Variants in PID1 observed in about 807,000 individuals in gnomAD.
The protein encoded by PID1 is phosphotyrosine interaction domain containing 1.
In PID1, 10 loss-of-function variants were observed where a neutral mutation model predicts 19.1. The observed-to-expected ratio is 0.52, with a 90% CI of 0.32 to 0.89. PID1 has a LOEUF of 0.89. Among genes scored for constraint, PID1 ranks in the 40% least tolerant of loss-of-function variants. The pLI, the probability that PID1 is intolerant of heterozygous loss-of-function variation, is 0.03. For synonymous variants in PID1, 130 were observed against 116.0 expected (o/e 1.12, Z -0.78); for missense variants, 248 against 285.3 (o/e 0.87, Z 0.94).
intron 2 of PID1, among the ~76,000 whole-genome samples, chr2:229,063,811 G>A (rs542239842): frequency 1.3e-5 from 2 of 152,086 alleles, no homozygotes; most frequent in African/African-American, 4.8e-5. Context: ...ATGATTTGAT[G>A]TTAGGTGCAT....
At chr2:229,174,723 G>GAA (rs11295094) in intron 1 of PID1, among the ~76,000 whole-genome samples, 1 of 130,006 alleles carries the variant, frequency 7.7e-6, no homozygotes, top group Non-Finnish European at 1.6e-5. Context: ...AATGCATGAA[G>GAA]AAAAAAAAAA....
At chr2:229,251,900 T>C (rs551870936) in intron 1 of PID1, among the ~76,000 whole-genome samples, 1 of 150,544 alleles carries the variant, frequency 6.6e-6, no homozygotes, top group South Asian at 2.1e-4. Context: ...AAATAAGTTT[T>C]GATGGCCATC....
At chr2:229,034,989 C>G (rs1485890366) in intron 2 of PID1, among the ~76,000 whole-genome samples, 1 of 152,044 alleles carries the variant, frequency 6.6e-6, no homozygotes. Context: ...TGTCTCCCAA[C>G]TCTAAGAAAA....
chr2:229,262,620 G>C lies in PID1; in HGVS notation c.30+8394C>G, dbSNP rs548230877. On this transcript the variant is annotated intron_variant, in intron 1 of 2. Coordinates refer to ENST00000392055, the MANE Select transcript of PID1 (RefSeq NM_001100818.2). ...GTTTCACTGGTGTAGTAGCTACCTAGGGCTGTTGTAACAAATAACCATAAA... is the reference window on the plus strand; with the variant it reads ...GTTTCACTGGTGTAGTAGCTACCTACGGCTGTTGTAACAAATAACCATAAA... 210 of 1,530,350 alleles carry C rather than the reference G, an allele frequency of 1.4e-4. No individual in the cohort carries two copies. In the African/African-American group the frequency reaches 2.6e-3, roughly 19 times the overall value. The allele number at this position is 1,530,350 out of a possible 1,614,324, so 94.8% of individuals were successfully genotyped here.
At chr2:229,046,411 G>A (rs1693882377) in intron 2 of PID1, among the ~76,000 whole-genome samples, 1 of 150,792 alleles carries the variant, frequency 6.6e-6, no homozygotes, top group Non-Finnish European at 1.5e-5. Flanking sequence ...TCAGGAGGGG[G>A]GGAACCAAAA....
intron 1 of PID1, among the ~76,000 whole-genome samples, chr2:229,157,235 G>A (rs1229539069): frequency 6.6e-6 from 1 of 152,110 alleles, no homozygotes; most frequent in Non-Finnish European, 1.5e-5. Flanking sequence ...TTCGAGACCA[G>A]CCTGGCCAAC....
At chr2:229,260,473 T>C (rs995207671) in intron 1 of PID1, among the ~76,000 whole-genome samples, 8 of 150,502 alleles carry the variant, frequency 5.3e-5, no homozygotes, top group African/African-American at 1.2e-4. Flanking sequence ...CATATATATA[T>C]ATATATGTAT....
chr2:229,154,905 C>A (rs1014625228), intron 2 of PID1, among the ~76,000 whole-genome samples: 1 of 152,080 alleles, frequency 6.6e-6, no homozygotes, highest in African/African-American at 2.4e-5. Flanking sequence ...AAGAGAGTAT[C>A]GTGTGAGAAA....
At chr2:229,242,533 C>T (rs565506222) in intron 1 of PID1, among the ~76,000 whole-genome samples, 2 of 152,148 alleles carry the variant, frequency 1.3e-5, no homozygotes, top group South Asian at 4.2e-4. Flanking sequence ...CTACATTTCC[C>T]GTCCTCTCTA....
At chr2:229,053,812 A>T (rs1694042294) in intron 2 of PID1, among the ~76,000 whole-genome samples, 1 of 152,204 alleles carries the variant, frequency 6.6e-6, no homozygotes, top group African/African-American at 2.4e-5. Context: ...TCTTTCTAAA[A>T]TGAAACCCAG....
At chr2:229,041,778 C>T (rs1265915480) in intron 2 of PID1, among the ~76,000 whole-genome samples, 1 of 151,988 alleles carries the variant, frequency 6.6e-6, no homozygotes, top group African/African-American at 2.4e-5. Flanking sequence ...CTGCCAACCC[C>T]CTGAACCCAA....
intron 1 of PID1, among the ~76,000 whole-genome samples, chr2:229,225,311 G>A (rs762577673): frequency 9.9e-5 from 15 of 152,094 alleles, no homozygotes; most frequent in Non-Finnish European, 1.6e-4. Context: ...GAGAAGCACC[G>A]GATAAATTAC....
At chr2:229,193,556 A>G (rs1691308293) in intron 1 of PID1, among the ~76,000 whole-genome samples, 1 of 152,172 alleles carries the variant, frequency 6.6e-6, no homozygotes, top group Non-Finnish European at 1.5e-5. Context: ...TACCACACAC[A>G]GACCACATGT....
intron 2 of PID1, among the ~76,000 whole-genome samples, chr2:229,149,010 T>C (rs965644609): frequency 1.3e-5 from 2 of 150,466 alleles, no homozygotes; most frequent in Admixed American, 6.6e-5. Flanking sequence ...AAAATATCAA[T>C]GGAAACCACA....
chr2:229,195,622 GATA>G (rs1559280089), intron 1 of PID1, among the ~76,000 whole-genome samples: 1 of 151,788 alleles, frequency 6.6e-6, no homozygotes. Flanking sequence ...ATGTCCTAGA[GATA>G]ATTATTTTTT....
Position 229,164,741 on chromosome 2 carries a change from C to T in PID1, c.31-8777G>A, listed in dbSNP as rs549442594. Among the ~76,000 whole-genome samples the T allele has an allele frequency of 2.6e-5, 4 of 152,252 alleles. No individual in the cohort carries two copies. In the South Asian group the frequency reaches 8.3e-4, roughly 32 times the overall value. Reference sequence around the variant, plus strand: ...ACAAATGAGGTAAGATGTACACCTGCCCAGCTTCCTGCCTTGAAACAGTTT... The same window carrying T: ...ACAAATGAGGTAAGATGTACACCTGTCCAGCTTCCTGCCTTGAAACAGTTT... On this transcript the variant is annotated intron_variant, in intron 1 of 2. Coordinates refer to ENST00000392055, the MANE Select transcript of PID1 (RefSeq NM_001100818.2).
intron 2 of PID1, among the ~76,000 whole-genome samples, chr2:229,035,615 A>C (rs961177699): frequency 6.6e-6 from 1 of 152,064 alleles, no homozygotes; most frequent in East Asian, 1.9e-4. Flanking sequence ...ACTTGCCCCA[A>C]ATCCCACAGC....
At chr2:229,224,370 C>T (rs1692034141) in intron 1 of PID1, among the ~76,000 whole-genome samples, 1 of 152,184 alleles carries the variant, frequency 6.6e-6, no homozygotes, top group South Asian at 2.1e-4. Flanking sequence ...TGAGCCCCTA[C>T]ACTGCAACTG....
chr2:229,254,835 T>C (rs996618809), intron 1 of PID1, among the ~76,000 whole-genome samples: 1 of 152,248 alleles, frequency 6.6e-6, no homozygotes, highest in South Asian at 2.1e-4. Context: ...ATTTGTATTT[T>C]CTGAGTTTGT....
Sources: gnomAD v4.1 joint callset for allele counts (sites outside exome capture counted in the v4.1 genomes callset) on GRCh38, gnomAD v4.1.1 for gene constraint, MANE v1.5 for transcripts, NCBI Gene and HGNC (gene_info 2026-07-23, HGNC 2026-07-21) for gene names.